Variants in ITGA1 observed in about 807,000 individuals in gnomAD.
ITGA1 encodes the protein integrin subunit alpha 1.
In ITGA1, 85 loss-of-function variants were observed where a neutral mutation model predicts 145.9. The observed-to-expected ratio is 0.58, with a 90% CI of 0.49 to 0.70. The LOEUF is 0.70. Among genes scored for constraint, ITGA1 ranks in the 30% least tolerant of loss-of-function variants. The pLI is 0.00. For missense variants in ITGA1, 1,351 were observed against 1,418.7 expected, an observed-to-expected ratio of 0.95 and a Z score of 0.77; for synonymous variants, 520 against 495.3, an observed-to-expected ratio of 1.05 and a Z score of -0.66.
intron 2 of ITGA1, among the ~76,000 whole-genome samples, chr5:52,859,618 G>T (rs1380801244): frequency 6.6e-6 from 1 of 152,140 alleles, no homozygotes; most frequent in Admixed American, 6.5e-5. Flanking sequence ...CAATATGACA[G>T]ACTTTCAAAT....
intron 13 of ITGA1, 136 bp from the exon 14 acceptor site, chr5:52,910,025 CT>C: frequency 1.2e-6 from 1 of 818,222 alleles, no homozygotes; most frequent in Non-Finnish European, 1.9e-6. Context: ...GATAGGCACA[CT>C]TTTTAAGAAA....
intron 1 of ITGA1, among the ~76,000 whole-genome samples, chr5:52,828,945 T>G (rs1749012285): frequency 6.6e-6 from 1 of 152,164 alleles, no homozygotes; most frequent in South Asian, 2.1e-4. Context: ...CCCTCATGTT[T>G]CTGTTTTTGT....
intron 13 of ITGA1, 68 bp from the exon 14 acceptor site, chr5:52,910,094 C>A: frequency 2.1e-6 from 3 of 1,434,354 alleles, no homozygotes; most frequent in Non-Finnish European, 2.9e-6. Context: ...ATTTAGTATA[C>A]TTTAAAAATT....
At chr5:52,830,630 AAAGGCC>A (rs745663972) in intron 1 of ITGA1, among the ~76,000 whole-genome samples, 1 of 152,188 alleles carries the variant, frequency 6.6e-6, no homozygotes, top group Non-Finnish European at 1.5e-5. Flanking sequence ...TAAATTAGTC[AAAGGCC>A]AAGTATTTCA....
At chr5:52,931,993 CTT>C in intron 21 of ITGA1, 52 bp from the exon 22 acceptor site, 1 of 1,053,642 alleles carries the variant, frequency 9.5e-7, no homozygotes, top group Non-Finnish European at 1.5e-6. Flanking sequence ...TTAGAAATGT[CTT>C]TAAATAGTCA....
intron 1 of ITGA1, among the ~76,000 whole-genome samples, chr5:52,826,633 T>C (rs1241992781): frequency 1.3e-5 from 2 of 152,222 alleles, no homozygotes; most frequent in East Asian, 3.8e-4. Flanking sequence ...ATGTAGCTGG[T>C]AACTTTAAGG....
intron 14 of ITGA1, among the ~76,000 whole-genome samples, chr5:52,911,523 A>G (rs116792442): frequency 0.42 from 40,471 of 97,500 alleles, 10,318 homozygotes; most frequent in Non-Finnish European, 0.5. Flanking sequence ...TATAGTATAT[A>G]TATCTATATA....
In ITGA1 at chr5:52,800,567, G is replaced by A. The variant is rs773751186; in HGVS notation, c.61+12153G>A. Reference sequence around the variant, plus strand: ...GAGTCCTCCACGGGCAGCGTGGGCAGCAACCGGGTCCGCACTACCCTCACT... The same window carrying A: ...GAGTCCTCCACGGGCAGCGTGGGCAACAACCGGGTCCGCACTACCCTCACT... On this transcript the variant is annotated intron_variant, in intron 1 of 28. Coordinates refer to ENST00000282588, the MANE Select transcript of ITGA1 (RefSeq NM_181501.2). 10 of 1,613,494 alleles carry A rather than the reference G, an allele frequency of 6.2e-6. No homozygotes were observed. The Admixed American group carries it at 1.5e-4, about 24-fold the overall frequency.
chr5:52,854,192 C>CTT (rs552101551), intron 2 of ITGA1, among the ~76,000 whole-genome samples: 13 of 152,128 alleles, frequency 8.5e-5, no homozygotes, highest in Non-Finnish European at 1.3e-4. Context: ...GAGGATCCTG[C>CTT]TTTATGCCAG....
rs992729438 is a variant in ITGA1 at position 52,907,013 on chromosome 5, A to T, written c.1455+1105A>T. On this transcript the variant is annotated intron_variant, in intron 12 of 28. Coordinates refer to ENST00000282588, the MANE Select transcript of ITGA1 (RefSeq NM_181501.2). ...AGTAACTGCACTCTGGGAAGTCAAA[A>T]ATATGTCATCTTCATCAGGTACTTA... 7.9e-5 allele frequency among the ~76,000 whole-genome samples: 12 copies of T among 152,296 alleles called. No homozygotes were observed. The East Asian group carries it at 1.9e-3, about 25-fold the overall frequency.
intron 11 of ITGA1, chr5:52,905,284 C>T (rs1750382575): frequency 1.3e-5 from 2 of 152,162 alleles, no homozygotes; most frequent in African/African-American, 4.8e-5. Flanking sequence ...AATATAAATG[C>T]AATGTCTTTA....
intron 15 of ITGA1, among the ~76,000 whole-genome samples, chr5:52,918,103 A>G (rs1750675505): frequency 6.6e-6 from 1 of 152,206 alleles, no homozygotes; most frequent in South Asian, 2.1e-4. Flanking sequence ...TTTCGAGTTA[A>G]AACGACTGAG....
intron 23 of ITGA1, among the ~76,000 whole-genome samples, chr5:52,936,865 T>C (rs187755645): frequency 0.014 from 2,130 of 150,658 alleles, 20 homozygotes; most frequent in Non-Finnish European, 0.024. Flanking sequence ...TAGCTGGGGG[T>C]AGAATTGTGA....
intron 1 of ITGA1, among the ~76,000 whole-genome samples, chr5:52,807,729 C>G (rs543570097): frequency 1.8e-4 from 27 of 152,278 alleles, no homozygotes; most frequent in African/African-American, 6.3e-4. Flanking sequence ...AATTAGAAAG[C>G]AGAGAAAATG....
chr5:52,898,730 A>G (rs1029392802), intron 11 of ITGA1, among the ~76,000 whole-genome samples: 1 of 151,950 alleles, frequency 6.6e-6, no homozygotes, highest in Non-Finnish European at 1.5e-5. Context: ...AGAAAAGGAA[A>G]CCTCGACTTC....
At chr5:52,893,608 T>A in intron 8 of ITGA1, 67 bp from the exon 9 acceptor site, 1 of 1,416,362 alleles carries the variant, frequency 7.1e-7, no homozygotes, top group Non-Finnish European at 9.7e-7. Context: ...ACTGACAAAA[T>A]GCTTGAGATC....
At chr5:52,951,298 T>C (rs549058791) in intron 28 of ITGA1, among the ~76,000 whole-genome samples, 1 of 152,194 alleles carries the variant, frequency 6.6e-6, no homozygotes, top group Non-Finnish European at 1.5e-5. Flanking sequence ...AAAAAATATA[T>C]ACAAATTTGA....
intron 1 of ITGA1, among the ~76,000 whole-genome samples, chr5:52,809,224 C>A (rs891406352): frequency 6.6e-6 from 1 of 152,112 alleles, no homozygotes; most frequent in Admixed American, 6.5e-5. Context: ...ACTCTAATAG[C>A]CCCCAGTGAT....
chr5:52,940,100 ATG>A (rs1038466895), intron 26 of ITGA1, among the ~76,000 whole-genome samples, 156 bp downstream of exon 26: 18 of 152,182 alleles, frequency 1.2e-4, no homozygotes, highest in Non-Finnish European at 2.2e-4. Flanking sequence ...TTAACCAGCT[ATG>A]TGTGTCTCAT....
Sources: allele counts gnomAD v4.1 joint callset (sites outside exome capture counted in the v4.1 genomes callset), GRCh38; gene constraint gnomAD v4.1.1; transcripts MANE v1.5; gene names NCBI Gene and HGNC (gene_info 2026-07-23, HGNC 2026-07-21).